CELF2: variants seen among roughly 807,000 people sequenced by gnomAD.
CELF2 encodes the protein CUGBP Elav-like family member 2, also known as CUG triplet repeat RNA-binding protein 2.
Under a neutral mutation model 62.6 loss-of-function variants are expected in CELF2, and 8 were observed. The ratio of observed to expected loss-of-function variants is 0.13; its 90% CI spans 0.07 to 0.23. CELF2 has a LOEUF of 0.23. CELF2 is among the 10% of genes least tolerant of loss of function. The probability of loss-of-function intolerance (pLI) is 1.00; values close to 1 mark genes in which losing one functional copy is unlikely to be tolerated. For missense variants in CELF2, 333 were observed against 671.0 expected, an observed-to-expected ratio of 0.50 and a Z score of 5.56; for synonymous variants, 258 against 250.0, an observed-to-expected ratio of 1.03 and a Z score of -0.30.
chr10:11,204,121 A>C (rs2059889155), intron 2 of CELF2, among the ~76,000 whole-genome samples: 1 of 152,190 alleles, frequency 6.6e-6, no homozygotes, highest in Non-Finnish European at 1.5e-5. Flanking sequence ...TTGGAGAATG[A>C]ATTATTTGAT....
At chr10:10,768,097 C>T in the CELF2 span, among the ~76,000 whole-genome samples, 1 of 146,148 alleles carries the variant, frequency 6.8e-6, no homozygotes, top group African/African-American at 2.6e-5. Flanking sequence ...ACCCGGGAGG[C>T]GGAGCTTGCC....
chr10:11,322,699 C>G (rs933575181), intron 11 of CELF2, among the ~76,000 whole-genome samples: 1 of 151,198 alleles, frequency 6.6e-6, no homozygotes, highest in East Asian at 1.9e-4. Flanking sequence ...ACATGGATAT[C>G]ACTTTTAAAA....
At chr10:10,716,283 C>T in the CELF2 span, among the ~76,000 whole-genome samples, 1,526 of 152,322 alleles carry the variant, frequency 0.01, 26 homozygotes, top group African/African-American at 0.035. Flanking sequence ...CAGTGGCTCA[C>T]GCCCATAATC....
In CELF2 at chr10:11,227,758, T is replaced by C. The variant is rs1490860172; in HGVS notation, c.354+10251T>C. Among the ~76,000 whole-genome samples the C allele has an allele frequency of 6.6e-6, 1 of 152,128 alleles. No individual in the cohort carries two copies. Among genetic ancestry groups the C allele is most frequent in the Non-Finnish European group, 1.5e-5 (1 of 68,012 alleles). ...AGACCAGGTGGTTATTTGCCACCTG[T>C]AGGCTGGCACTTTCTACAACACTGT... On this transcript the variant is annotated intron_variant, in intron 3 of 12. Transcript: ENST00000633077. This position sits in a 1 kb window ranked among gnomAD's most constrained non-coding sequence, Gnocchi z 4.8.
rs1474383932 is a variant in CELF2, at chr10:11,321,858, C to A, written c.1294+472C>A. On this transcript the variant is annotated intron_variant, in intron 11 of 12. Transcript: ENST00000633077. This position sits in a 1 kb window ranked among gnomAD's most constrained non-coding sequence, Gnocchi z 6.2. Reference sequence around the variant, plus strand: ...ATAAATAAATGGTTTTAATTATTTCCCCCAGCTACATCTTCTGAAGGGTTA... The same window carrying A: ...ATAAATAAATGGTTTTAATTATTTCACCCAGCTACATCTTCTGAAGGGTTA... Among the ~76,000 whole-genome samples, 1 of 152,054 alleles carries A rather than the reference C, an allele frequency of 6.6e-6. No homozygotes were observed. Among genetic ancestry groups the A allele is most frequent in the Admixed American group, 6.5e-5 (1 of 15,282 alleles).
chr10:11,217,634 C>A lies in CELF2; in HGVS notation c.354+127C>A, dbSNP rs540920071. The A allele has an allele frequency of 1.9e-4, 113 of 595,032 alleles. 1 individual carries two copies. The South Asian group carries it at 2.4e-3, about 13-fold the overall frequency. 36.9% of individuals were successfully genotyped at this position (595,032 alleles called of 1,614,324 possible). On this transcript the variant is annotated intron_variant, in intron 3 of 12. Coordinates refer to ENST00000633077, the MANE Select transcript of CELF2 (RefSeq NM_001326342.2). The surrounding 1 kb of genome is among the most constrained non-coding windows in gnomAD (Gnocchi z 5.6). ...GGTCTTTTGAGGAGTGTGTGCTGAC[C>A]CCCCAGTTCCCTGCAGCAGCCACAC...
intron 2 of CELF2, among the ~76,000 whole-genome samples, chr10:10,954,390 C>T (rs1311867399): frequency 5.3e-5 from 8 of 151,908 alleles, no homozygotes; most frequent in South Asian, 4.2e-4. Flanking sequence ...GAATTACAGG[C>T]GCATGCCACC....
intron 2 of CELF2, among the ~76,000 whole-genome samples, chr10:10,974,915 T>C (rs2051154511): frequency 6.6e-6 from 1 of 152,256 alleles, no homozygotes; most frequent in African/African-American, 2.4e-5. Flanking sequence ...CTCAAAAACC[T>C]ATCTTCCCAT....
At chr10:10,588,258 C>T in the CELF2 span, among the ~76,000 whole-genome samples, 1 of 152,228 alleles carries the variant, frequency 6.6e-6, no homozygotes, top group African/African-American at 2.4e-5. Context: ...AACTTGGAGC[C>T]ACAGGAGAGA....
chr10:10,771,812 G>A, the CELF2 span, among the ~76,000 whole-genome samples: 5 of 152,218 alleles, frequency 3.3e-5, no homozygotes, highest in African/African-American at 1.2e-4. Flanking sequence ...TCTTGGGTAT[G>A]TCTTTCTCAG....
At position 11,039,306 on chromosome 10, in the gene CELF2, TC is replaced by T. The variant is rs1240486673; in HGVS notation, c.74+21144del. On this transcript the variant is annotated intron_variant, in intron 1 of 12. Coordinates refer to ENST00000633077, the MANE Select transcript of CELF2 (RefSeq NM_001326342.2). This position sits in a 1 kb window ranked among gnomAD's most constrained non-coding sequence, Gnocchi z 4.1. ...TGGTGCTGAGATGAACTGGGCCAAT[TC>T]TCATGGGGCACCTCCCATGCCAGGA... is the stretch of plus-strand genomic sequence containing the variant. Among the ~76,000 whole-genome samples the T allele has an allele frequency of 6.6e-6, 1 of 152,142 alleles. No homozygotes were observed. The highest frequency in any genetic ancestry group is 1.5e-5 in the Non-Finnish European group (1 of 68,016).
rs182187672 is a variant in CELF2, at chr10:10,906,344, G to A, written c.54-13620G>A. Among the ~76,000 whole-genome samples the A allele has an allele frequency of 2.8e-3, 427 of 152,228 alleles. 1 individual carries two copies. The highest frequency in any genetic ancestry group is 0.01 in the Middle Eastern group (3 of 294). On this transcript the variant is annotated intron_variant, in intron 1 of 13. Coordinates refer to the CELF2 transcript ENST00000636488. Reference sequence around the variant, plus strand: ...GAAAAAAAGCCATCTTTGCTGATGCGGTGTGTTCATTTTACCCAGCACTTT... The same window carrying A: ...GAAAAAAAGCCATCTTTGCTGATGCAGTGTGTTCATTTTACCCAGCACTTT...
In CELF2 at chr10:11,023,932, A is replaced by G. The variant is rs527971768; in HGVS notation, c.74+5769A>G. On this transcript the variant is annotated intron_variant, in intron 1 of 12. Coordinates refer to ENST00000633077, the MANE Select transcript of CELF2 (RefSeq NM_001326342.2). ...GTGTAGTCCTGTGGTTTTCAAAATG[A>G]CGTATGAGTACAAATTCAGGTTTTG... Among the ~76,000 whole-genome samples, 6 of 152,332 alleles carry G rather than the reference A, an allele frequency of 3.9e-5. No individual in the cohort carries two copies. The South Asian group carries it at 1.2e-3, about 32-fold the overall frequency.
chr10:10,852,451 G>C (rs1057038498), intron 1 of CELF2, among the ~76,000 whole-genome samples: 1 of 152,178 alleles, frequency 6.6e-6, no homozygotes. Flanking sequence ...GCTGGAAGGG[G>C]CATGGGAGAA....
chr10:11,118,501 C>T (rs143625561), intron 1 of CELF2, among the ~76,000 whole-genome samples: 155 of 152,220 alleles, frequency 1.0e-3, no homozygotes, highest in African/African-American at 3.3e-3. Flanking sequence ...CTCAAAGATA[C>T]GTCACTTCTG....
the CELF2 span, among the ~76,000 whole-genome samples, chr10:10,727,678 A>T: frequency 6.6e-6 from 1 of 151,864 alleles, no homozygotes; most frequent in Non-Finnish European, 1.5e-5. Context: ...CGGGAGGCTG[A>T]GGCAGGAGAA....
chr10:10,827,956 A>G (rs1404392017), intron 1 of CELF2, among the ~76,000 whole-genome samples: 1 of 151,204 alleles, frequency 6.6e-6, no homozygotes, highest in Non-Finnish European at 1.5e-5. Flanking sequence ...AATGCAAATC[A>G]AAACTGCAAG....
intron 1 of CELF2, among the ~76,000 whole-genome samples, chr10:11,073,279 T>A (rs2141056498): frequency 6.6e-6 from 1 of 152,346 alleles, no homozygotes; most frequent in Admixed American, 6.5e-5. Context: ...CATTTTTCTC[T>A]AGGAAGGCTT....
At chr10:11,158,180 C>G (rs1294739654) in intron 1 of CELF2, among the ~76,000 whole-genome samples, 2 of 152,196 alleles carry the variant, frequency 1.3e-5, no homozygotes, top group South Asian at 4.1e-4. Context: ...TTGCCCATAG[C>G]CAACAGGTGG....
Sources: allele counts gnomAD v4.1 joint callset (sites outside exome capture counted in the v4.1 genomes callset), GRCh38; gene constraint gnomAD v4.1.1; non-coding constraint Gnocchi (gnomAD v3.1); transcripts MANE v1.5; gene names NCBI Gene and HGNC (gene_info 2026-07-23, HGNC 2026-07-21).